PPM1L: variants seen among roughly 807,000 people sequenced by gnomAD.
PPM1L encodes the protein protein phosphatase 1L.
PPM1L carries 13 observed loss-of-function variants against 31.4 expected under a neutral mutation model. The ratio of observed to expected loss-of-function variants is 0.41; its 90% CI spans 0.27 to 0.66. The LOEUF is 0.66. Ranked by LOEUF, PPM1L falls within the 30% of genes least tolerant of loss-of-function variation. The pLI, the probability that PPM1L is intolerant of heterozygous loss-of-function variation, is 0.29. For synonymous variants in PPM1L, 184 were observed against 175.4 expected (o/e 1.05, Z -0.39); for missense variants, 326 against 453.7 (o/e 0.72, Z 2.56).
intron 1 of PPM1L, among the ~76,000 whole-genome samples, chr3:160,920,915 T>C (rs745900532): frequency 7.9e-5 from 12 of 152,128 alleles, no homozygotes; most frequent in Non-Finnish European, 1.3e-4. Flanking sequence ...ATGGCCACAA[T>C]GTGAGACAGC....
chr3:160,869,042 C>T (rs1012884066), intron 1 of PPM1L, among the ~76,000 whole-genome samples: 23 of 152,154 alleles, frequency 1.5e-4, no homozygotes, highest in African/African-American at 5.6e-4. Context: ...GACTCTGAAC[C>T]AGGAATGCGG....
chr3:160,763,184 CA>C (rs1715015334), intron 1 of PPM1L, among the ~76,000 whole-genome samples: 1 of 152,196 alleles, frequency 6.6e-6, no homozygotes, highest in Non-Finnish European at 1.5e-5. Context: ...TAATTTGAAG[CA>C]AGGCAGCCTG....
intron 1 of PPM1L, among the ~76,000 whole-genome samples, chr3:160,938,926 C>A (rs920517306): frequency 6.6e-6 from 1 of 152,130 alleles, no homozygotes; most frequent in Admixed American, 6.5e-5. Context: ...CTTCTAAAGA[C>A]TTTTGAAACA....
At chr3:160,827,661 C>A (rs1713397626) in intron 1 of PPM1L, among the ~76,000 whole-genome samples, 1 of 152,014 alleles carries the variant, frequency 6.6e-6, no homozygotes, top group Admixed American at 6.6e-5. Flanking sequence ...AGCTATTAGA[C>A]TGTGTTTTTA....
intron 2 of PPM1L, among the ~76,000 whole-genome samples, chr3:161,038,416 A>C (rs564571804): frequency 4.6e-5 from 7 of 151,318 alleles, no homozygotes; most frequent in African/African-American, 1.7e-4. Context: ...GACTCAACCA[A>C]TTCTCTGACC....
At chr3:160,870,129 G>T (rs867780556) in intron 1 of PPM1L, among the ~76,000 whole-genome samples, 2 of 152,224 alleles carry the variant, frequency 1.3e-5, no homozygotes, top group African/African-American at 4.8e-5. Flanking sequence ...TGGGTGTGGG[G>T]GTAGGGGAGG....
At chr3:160,850,887 G>GA (rs1456141811) in intron 1 of PPM1L, among the ~76,000 whole-genome samples, 57 of 149,746 alleles carry the variant, frequency 3.8e-4, no homozygotes, top group African/African-American at 1.4e-3. Flanking sequence ...TTTTTGGTGG[G>GA]GGGGGGGTCA....
intron 1 of PPM1L, among the ~76,000 whole-genome samples, chr3:160,897,012 C>A (rs902465170): frequency 4.0e-5 from 6 of 148,944 alleles, no homozygotes; most frequent in Non-Finnish European, 7.4e-5. Flanking sequence ...TAGTCACAGT[C>A]AGTGGCTGAC....
At chr3:161,066,992 A>G (rs556086716) in intron 3 of PPM1L, among the ~76,000 whole-genome samples, 1 of 152,278 alleles carries the variant, frequency 6.6e-6, no homozygotes, top group East Asian at 1.9e-4. Flanking sequence ...ATATTTTAGG[A>G]GCATCTATCA....
chr3:160,892,125 T>A (rs1039263631), intron 1 of PPM1L, among the ~76,000 whole-genome samples: 5 of 152,110 alleles, frequency 3.3e-5, no homozygotes, highest in African/African-American at 1.2e-4. Context: ...TTCACATGTA[T>A]CCCGGAACTT....
At position 160,944,803 on chromosome 3, in the gene PPM1L, A is replaced by ATATATATTATATATGT. The variant is rs1553748139; in HGVS notation, c.400-16927_400-16926insTTATATATGTTATATA. Among the ~76,000 whole-genome samples the ATATATATTATATATGT allele has an allele frequency of 8.4e-5, 5 of 59,254 alleles. 2 individuals carry two copies. Among genetic ancestry groups the ATATATATTATATATGT allele is most frequent in the Non-Finnish European group, 1.1e-4 (3 of 26,902 alleles). 38.9% of individuals were successfully genotyped at this position (59,254 alleles called of 152,430 possible). ...TTATATTATATATGTTATATATAAC[A>ATATATATTATATATGT]TATATAACATATATATGTTATATAT... On this transcript the variant is annotated intron_variant, in intron 1 of 3. Coordinates refer to ENST00000498165, the MANE Select transcript of PPM1L (RefSeq NM_139245.4).
chr3:161,009,723 C>CA (rs944908754), intron 2 of PPM1L, among the ~76,000 whole-genome samples: 1 of 152,030 alleles, frequency 6.6e-6, no homozygotes, highest in African/African-American at 2.4e-5. Context: ...CTGTTCTCTC[C>CA]AAAAAGCTTT....
intron 1 of PPM1L, among the ~76,000 whole-genome samples, chr3:160,896,981 C>T (rs949081287): frequency 6.6e-6 from 1 of 151,030 alleles, no homozygotes; most frequent in African/African-American, 2.4e-5. Flanking sequence ...ACACCTCTTA[C>T]AGCTATAGTG....
chr3:160,919,695 T>C (rs563514001), intron 1 of PPM1L, among the ~76,000 whole-genome samples: 18 of 152,272 alleles, frequency 1.2e-4, no homozygotes, highest in African/African-American at 4.1e-4. Context: ...ACTGACATAG[T>C]TTGTCAGCTT....
In PPM1L at chr3:160,779,107, A is replaced by G. The variant is rs368795046; in HGVS notation, c.399+22400A>G. On this transcript the variant is annotated intron_variant, in intron 1 of 3. Coordinates refer to ENST00000498165, the MANE Select transcript of PPM1L (RefSeq NM_139245.4). ...TTTTTTTTTTGCTACTTTCTGCTGT[A>G]AAAAAAAAACTGTGTAAACGCTGAA... Among the ~76,000 whole-genome samples the G allele has an allele frequency of 0.035, 1,379 of 38,928 alleles. 19 individuals are homozygous for G. In the African/African-American group the frequency reaches 0.36, roughly 10 times the overall value. The allele number at this position is 38,928 out of a possible 152,430, so 25.5% of individuals were successfully genotyped here.
rs2108121925 is a variant in PPM1L, at chr3:161,078,440, A to G, written c.*9283A>G. On this transcript the variant is annotated 3_prime_UTR_variant, in exon 4 of 4. Transcript: ENST00000498165. ...GATACAGGATCTATAATTTATTGGC[A>G]ATACTTTATTTTAGGAATCTTCAAA... 1 of 152,332 alleles carries G rather than the reference A, an allele frequency of 6.6e-6. No homozygotes were observed. Among genetic ancestry groups the G allele is most frequent in the East Asian group, 1.9e-4 (1 of 5,190 alleles). 9.4% of individuals were successfully genotyped at this position (152,332 alleles called of 1,614,324 possible).
At chr3:160,911,076 A>G (rs139752397) in intron 1 of PPM1L, among the ~76,000 whole-genome samples, 122 of 152,316 alleles carry the variant, frequency 8.0e-4, no homozygotes, top group African/African-American at 2.9e-3. Flanking sequence ...TTCATGTGTG[A>G]TGCTTTGGGT....
In PPM1L at chr3:160,865,704, G is replaced by A. The variant is rs572605958; in HGVS notation, c.400-96032G>A. 4.6e-5 allele frequency among the ~76,000 whole-genome samples: 7 copies of A among 152,314 alleles called. No individual in the cohort carries two copies. The East Asian group carries it at 1.4e-3, about 29-fold the overall frequency. ...GCAAGAGAATTGCTTGAACCTGGGA[G>A]GCAGAGGTTGCAGTGAGCCGAGATC... On this transcript the variant is annotated intron_variant, in intron 1 of 3. Coordinates refer to ENST00000498165, the MANE Select transcript of PPM1L (RefSeq NM_139245.4).
At chr3:161,046,387 A>G (rs1434580902) in intron 2 of PPM1L, among the ~76,000 whole-genome samples, 5 of 152,164 alleles carry the variant, frequency 3.3e-5, no homozygotes, top group Non-Finnish European at 5.9e-5. Context: ...AGACTAAACC[A>G]GGAAGAAGTT....
Sources: gnomAD v4.1 joint callset for allele counts (sites outside exome capture counted in the v4.1 genomes callset) on GRCh38, gnomAD v4.1.1 for gene constraint, MANE v1.5 for transcripts, NCBI Gene and HGNC (gene_info 2026-07-23, HGNC 2026-07-21) for gene names.